The following GYS2 variants were observed in gnomAD, a reference collection of about 807,000 sequenced individuals.
The protein encoded by GYS2 is glycogen [starch] synthase, liver.
GYS2 carries 80 observed loss-of-function variants against 85.6 expected under a neutral mutation model. That is an observed-to-expected ratio of 0.93 (90% confidence interval 0.78 to 1.13). The LOEUF is 1.13. GYS2 is among the 50% of genes most tolerant of loss of function. The pLI, the probability that GYS2 is intolerant of heterozygous loss-of-function variation, is 0.00. For missense variants in GYS2, 881 were observed against 854.9 expected, an observed-to-expected ratio of 1.03 and a Z score of -0.38; for synonymous variants, 328 against 300.7, an observed-to-expected ratio of 1.09 and a Z score of -0.94.
chr12:21,560,536 T>G (rs1565599490), intron 7 of GYS2, 44 bp from the exon 8 acceptor site: 1 of 915,084 alleles, frequency 1.1e-6, no homozygotes, highest in Admixed American at 1.7e-5. Flanking sequence ...TCAAAGATTT[T>G]TAAAAAGTAT....
chr12:21,563,229 C>T lies in GYS2; in HGVS notation c.940G>A (p.Gly314Ser). 6.4e-7 allele frequency: 1 copy of T among 1,551,658 alleles called. No homozygotes were observed. The highest frequency in any genetic ancestry group is 8.9e-7 in the Non-Finnish European group (1 of 1,123,234). ...TCTTTTTAATAAAGAAAATCATACC[C>T]ATAGAAATGACCTCGAACAAAATCT... is the stretch of plus-strand genomic sequence containing the variant. ...IQDFVRGHFY[G>S]HLDFDLEKTL... The change falls in exon 6 of 16, where the codon GGT becomes AGT. Residue 314 changes from glycine (G) to serine (S), a missense_variant and splice_region_variant. Gly to Ser is a moderately conservative substitution (Grantham distance 56). Coordinates refer to ENST00000261195, the MANE Select transcript of GYS2 (RefSeq NM_021957.4).
At chr12:21,541,684 A>G (rs1943977669) in intron 13 of GYS2, among the ~76,000 whole-genome samples, 1 of 152,136 alleles carries the variant, frequency 6.6e-6, no homozygotes, top group Non-Finnish European at 1.5e-5. Context: ...TGTGGGCCAC[A>G]TATTTAAAGC....
At chr12:21,568,077 A>T (rs11831730) in intron 5 of GYS2, among the ~76,000 whole-genome samples, 194 of 152,226 alleles carry the variant, frequency 1.3e-3, no homozygotes, top group African/African-American at 4.5e-3. Flanking sequence ...ATCTCAAAAA[A>T]AAAAAAGAAA....
chr12:21,576,954 T>C (rs932857213), intron 2 of GYS2, among the ~76,000 whole-genome samples: 4 of 152,152 alleles, frequency 2.6e-5, no homozygotes, highest in African/African-American at 9.7e-5. Context: ...TCCAGGCTTC[T>C]CTAGAAAATA....
chr12:21,590,348 A>G (rs1456325166), intron 1 of GYS2, among the ~76,000 whole-genome samples: 2 of 152,202 alleles, frequency 1.3e-5, no homozygotes, highest in Non-Finnish European at 2.9e-5. Flanking sequence ...GTTGTCTGGG[A>G]ACCCAGAGAC....
At chr12:21,597,927 C>A (rs772875531) in intron 1 of GYS2, among the ~76,000 whole-genome samples, 1 of 151,928 alleles carries the variant, frequency 6.6e-6, no homozygotes, top group African/African-American at 2.4e-5. Context: ...TTATGTTAAA[C>A]GAAATAAGCC....
At chr12:21,556,761 C>T (rs970808413) in intron 11 of GYS2, among the ~76,000 whole-genome samples, 1 of 152,102 alleles carries the variant, frequency 6.6e-6, no homozygotes, top group African/African-American at 2.4e-5. Context: ...CTTGAATTTT[C>T]CCTCTTTCTT....
At chr12:21,563,438 G>GT (rs1474438325) in intron 5 of GYS2, 93 bp from the exon 6 acceptor site, 7 of 734,428 alleles carry the variant, frequency 9.5e-6, no homozygotes, top group Admixed American at 8.3e-5. Flanking sequence ...AAAGTTAGAT[G>GT]TTTATTGACA....
Position 21,563,247 on chromosome 12 carries a change from C to A in GYS2, c.922G>T (p.Val308Phe). The A allele has an allele frequency of 1.2e-6, 2 of 1,605,354 alleles. No homozygotes were observed. The highest frequency in any genetic ancestry group is 8.5e-7 in the Non-Finnish European group (1 of 1,172,140). ...TCATACCCATAGAAATGACCTCGAA[C>A]AAAATCTTGGATTCTGGCCTTGTAC... The part of the protein sequence containing the change: ...AMYKARIQDF[V>F]RGHFYGHLDF... The change falls in exon 6 of 16, where the codon GTT becomes TTT. Residue 308 changes from valine to phenylalanine, a missense_variant. Physicochemically the swap from Val to Phe is conservative, Grantham distance 50. Transcript: ENST00000261195.
intron 11 of GYS2, among the ~76,000 whole-genome samples, chr12:21,549,524 A>G (rs1366003855): frequency 6.6e-6 from 1 of 152,158 alleles, no homozygotes; most frequent in Admixed American, 6.5e-5. Context: ...TTTTTAAACC[A>G]AAGGATCCAG....
At chr12:21,572,939 C>T (rs1944403054) in intron 4 of GYS2, among the ~76,000 whole-genome samples, 1 of 152,198 alleles carries the variant, frequency 6.6e-6, no homozygotes, top group Admixed American at 6.5e-5. Flanking sequence ...AGCTTACCAG[C>T]TTATCACAGA....
intron 7 of GYS2, 118 bp downstream of exon 7, chr12:21,562,800 G>T: frequency 6.6e-6 from 7 of 1,053,872 alleles, no homozygotes; most frequent in African/African-American, 1.6e-5. Flanking sequence ...GCCATTTTTA[G>T]AATACGATTA....
intron 1 of GYS2, among the ~76,000 whole-genome samples, chr12:21,593,115 T>C (rs1401734590): frequency 2.6e-5 from 4 of 151,970 alleles, no homozygotes; most frequent in Admixed American, 6.6e-5. Context: ...GGAAAAGCCA[T>C]GGGATACAGC....
intron 13 of GYS2, among the ~76,000 whole-genome samples, chr12:21,541,494 T>C (rs138710620): frequency 7.8e-4 from 118 of 152,068 alleles, no homozygotes; most frequent in African/African-American, 2.7e-3. Context: ...ATATGTACTA[T>C]CTAATGACCA....
At chr12:21,565,490 G>C (rs1268976176) in intron 5 of GYS2, among the ~76,000 whole-genome samples, 1 of 142,256 alleles carries the variant, frequency 7.0e-6, no homozygotes, top group Non-Finnish European at 1.5e-5. Context: ...GTATGTAATG[G>C]TGCGCAGTAA....
chr12:21,561,087 C>G (rs1944247528), intron 7 of GYS2, among the ~76,000 whole-genome samples: 3 of 152,248 alleles, frequency 2.0e-5, no homozygotes, highest in African/African-American at 2.4e-5. Context: ...ATGACGAGCA[C>G]TTTTGGGATA....
chr12:21,564,869 C>A (rs1367446975), intron 5 of GYS2, among the ~76,000 whole-genome samples: 3 of 152,164 alleles, frequency 2.0e-5, no homozygotes, highest in East Asian at 3.9e-4. Context: ...AATATTAAGT[C>A]ATTTGCCCAA....
downstream of GYS2, among the ~76,000 whole-genome samples, chr12:21,533,613 C>T (rs1943884686): frequency 6.6e-6 from 1 of 152,116 alleles, no homozygotes; most frequent in African/African-American, 2.4e-5. Context: ...TTCGGACCTC[C>T]CTAAGTAGAC....
At chr12:21,580,626 C>T (rs1032931044) in intron 1 of GYS2, 103 bp from the exon 2 acceptor site, 2 of 853,728 alleles carry the variant, frequency 2.3e-6, no homozygotes, top group African/African-American at 3.3e-5. Context: ...CATTTAGGAT[C>T]CACTAAGCCC....
Sources: gnomAD v4.1 joint callset for allele counts (sites outside exome capture counted in the v4.1 genomes callset) on GRCh38, gnomAD v4.1.1 for gene constraint, MANE v1.5 for transcripts, NCBI Gene and HGNC (gene_info 2026-07-23, HGNC 2026-07-21) for gene names.